Variants in WASF3 observed in about 807,000 individuals in gnomAD.
WASF3 encodes WASP family member 3.
In WASF3, 11 loss-of-function variants were observed where a neutral mutation model predicts 46.6. The ratio of observed to expected loss-of-function variants is 0.24; its 90% CI spans 0.15 to 0.39. The LOEUF (loss-of-function observed/expected upper bound fraction) is 0.39, where lower values mean the gene tolerates loss of function less well. Among genes scored for constraint, WASF3 ranks in the 10% least tolerant of loss-of-function variants. The probability of loss-of-function intolerance (pLI) is 1.00; values close to 1 mark genes in which losing one functional copy is unlikely to be tolerated. For missense variants in WASF3, 576 were observed against 669.8 expected (o/e 0.86, Z 1.55); for synonymous variants, 242 against 259.7 (o/e 0.93, Z 0.65).
chr13:26,659,163 G>A (rs988956624), intron 3 of WASF3, among the ~76,000 whole-genome samples: 12 of 152,222 alleles, frequency 7.9e-5, no homozygotes, highest in African/African-American at 2.9e-4. Context: ...ATTTAGCCAG[G>A]GCTGCTAGGA....
chr13:26,636,850 A>G (rs918239506), intron 2 of WASF3, among the ~76,000 whole-genome samples: 28 of 152,006 alleles, frequency 1.8e-4, no homozygotes, highest in African/African-American at 6.3e-4. Flanking sequence ...ACCCAACCTA[A>G]TCAGCACTGG....
intron 3 of WASF3, among the ~76,000 whole-genome samples, chr13:26,645,599 G>A (rs1882126378): frequency 1.3e-5 from 2 of 151,970 alleles, no homozygotes; most frequent in South Asian, 4.2e-4. Flanking sequence ...TTCCTTAAAA[G>A]ATGCCGTTTT....
chr13:26,588,480 G>A (rs548439868), intron 1 of WASF3, among the ~76,000 whole-genome samples: 2 of 152,324 alleles, frequency 1.3e-5, no homozygotes, highest in South Asian at 4.1e-4. Context: ...GTGGCCAGGA[G>A]GTTGGGGTAA....
rs1050791007 is a variant in WASF3, at chr13:26,686,018, C to A, written c.*173C>A. The A allele has an allele frequency of 3.8e-6, 3 of 788,954 alleles. No homozygotes were observed. The African/African-American group carries it at 5.2e-5, about 14-fold the overall frequency. The allele number at this position is 788,954 out of a possible 1,614,324, so 48.9% of individuals were successfully genotyped here. A position where few individuals can be genotyped will look rare whatever the true frequency, so the allele number is the denominator to read the frequency against. ...TCTTTTCAGTATTTACTGTGTAATA[C>A]TTAAGTGCCACTAAACATAGCAAAT... On this transcript the variant is annotated 3_prime_UTR_variant, in exon 10 of 10. Transcript: ENST00000335327.
intron 5 of WASF3, among the ~76,000 whole-genome samples, chr13:26,668,080 T>A (rs978843277): frequency 6.7e-6 from 1 of 150,210 alleles, no homozygotes; most frequent in East Asian, 1.9e-4. Flanking sequence ...ACATTTGATA[T>A]TTAATTCAGA....
intron 5 of WASF3, 71 bp downstream of exon 5, chr13:26,667,741 G>A: frequency 6.8e-7 from 1 of 1,463,826 alleles, no homozygotes; most frequent in Non-Finnish European, 9.3e-7. Context: ...GGAGCAAGCT[G>A]ATGCATTGTG....
intron 3 of WASF3, among the ~76,000 whole-genome samples, chr13:26,657,565 C>G (rs1028135113): frequency 6.6e-6 from 1 of 152,196 alleles, no homozygotes; most frequent in African/African-American, 2.4e-5. Context: ...TTTAATTCTT[C>G]AAAAGCCTGA....
intron 1 of WASF3, among the ~76,000 whole-genome samples, chr13:26,579,091 C>T (rs1879896122): frequency 7.3e-6 from 1 of 136,470 alleles, no homozygotes; most frequent in African/African-American, 2.8e-5. Context: ...ACCCCAAACT[C>T]CGGGCTCAGG....
Position 26,682,510 on chromosome 13 carries a change from G to A in WASF3, c.984-97G>A, listed in dbSNP as rs570812767. The A allele has an allele frequency of 1.6e-5, 23 of 1,445,288 alleles. No individual in the cohort carries two copies. The South Asian group carries it at 1.8e-4, about 11-fold the overall frequency. The allele number at this position is 1,445,288 out of a possible 1,614,324, so 89.5% of individuals were successfully genotyped here. On this transcript the variant is annotated intron_variant, in intron 8 of 9. Coordinates refer to ENST00000335327, the MANE Select transcript of WASF3 (RefSeq NM_006646.6). The surrounding 1 kb of genome is among the most constrained non-coding windows in gnomAD (Gnocchi z 4.4). ...GATTGAAGTTCAGGTGACAATACGT[G>A]TTGTGTCTGGGGATGGCTCCGTTAG...
intron 1 of WASF3, among the ~76,000 whole-genome samples, chr13:26,598,965 G>T (rs909407810): frequency 5.3e-5 from 8 of 152,092 alleles, no homozygotes; most frequent in African/African-American, 1.9e-4. Flanking sequence ...CTGTCTCCAG[G>T]GTTCAAACGA....
intron 1 of WASF3, among the ~76,000 whole-genome samples, chr13:26,573,868 A>G (rs1879710924): frequency 6.6e-6 from 1 of 152,144 alleles, no homozygotes; most frequent in Non-Finnish European, 1.5e-5. Flanking sequence ...TTGACTTCTA[A>G]TATTGAGTTT....
chr13:26,675,496 ACACACACACAC>A, intron 6 of WASF3, among the ~76,000 whole-genome samples: 1 of 141,822 alleles, frequency 7.1e-6, no homozygotes, highest in Middle Eastern at 3.3e-3. Flanking sequence ...ACACACACAC[ACACACACACAC>A]ACACACACAC....
At chr13:26,569,324 A>G (rs1593370831) in intron 1 of WASF3, among the ~76,000 whole-genome samples, 1 of 152,352 alleles carries the variant, frequency 6.6e-6, no homozygotes, top group South Asian at 2.1e-4. Context: ...TAGACTGGAC[A>G]GTATCTATCA....
the WASF3 span, among the ~76,000 whole-genome samples, chr13:26,548,147 A>T: frequency 6.6e-6 from 1 of 152,196 alleles, no homozygotes; most frequent in Non-Finnish European, 1.5e-5. Flanking sequence ...TGACCATGGC[A>T]TTTCTATGTT....
intron 2 of WASF3, among the ~76,000 whole-genome samples, chr13:26,621,467 G>A (rs1470239402): frequency 6.6e-6 from 1 of 151,640 alleles, no homozygotes; most frequent in African/African-American, 2.4e-5. Flanking sequence ...GGCCCACCCT[G>A]ATGAAGAAAC....
intron 2 of WASF3, among the ~76,000 whole-genome samples, chr13:26,631,098 G>A (rs994168005): frequency 6.6e-6 from 1 of 152,160 alleles, no homozygotes; most frequent in Admixed American, 6.5e-5. Flanking sequence ...CTCCCATTCT[G>A]TAGGTTGCCT....
At chr13:26,670,193 C>A (rs1882889683) in intron 5 of WASF3, among the ~76,000 whole-genome samples, 1 of 152,144 alleles carries the variant, frequency 6.6e-6, no homozygotes, top group Non-Finnish European at 1.5e-5. Context: ...AGAATGAGGT[C>A]ATGTCCTTTG....
chr13:26,576,796 G>C, intron 1 of WASF3: 1 of 398,320 alleles, frequency 2.5e-6, no homozygotes, highest in Non-Finnish European at 4.5e-6. Context: ...GAGGTTCTAT[G>C]TATTCTTTAC....
At chr13:26,602,881 T>G (rs1880683165) in intron 1 of WASF3, among the ~76,000 whole-genome samples, 1 of 152,236 alleles carries the variant, frequency 6.6e-6, no homozygotes, top group Non-Finnish European at 1.5e-5. Context: ...ATGATTTTCA[T>G]TATTTTCTTT....
Sources: allele counts gnomAD v4.1 joint callset (sites outside exome capture counted in the v4.1 genomes callset), GRCh38; gene constraint gnomAD v4.1.1; non-coding constraint Gnocchi (gnomAD v3.1); transcripts MANE v1.5; gene names NCBI Gene and HGNC (gene_info 2026-07-23, HGNC 2026-07-21).